The following GLIS1 variants were observed in gnomAD, a reference collection of about 807,000 sequenced individuals.
GLIS1 encodes the protein zinc finger protein GLIS1.
Under a neutral mutation model 63.8 loss-of-function variants are expected in GLIS1, and 24 were observed. The observed-to-expected ratio is 0.38, with a 90% CI of 0.27 to 0.53. The LOEUF (loss-of-function observed/expected upper bound fraction) is 0.53, where lower values mean the gene tolerates loss of function less well. GLIS1 is among the 20% of genes least tolerant of loss of function. The pLI is 0.85. For synonymous variants in GLIS1, 450 were observed against 482.5 expected (o/e 0.93, Z 0.88); for missense variants, 1,036 against 1,074.1 (o/e 0.96, Z 0.50).
chr1:53,719,565 CA>C (rs1201866709), intron 2 of GLIS1, among the ~76,000 whole-genome samples: 1 of 152,212 alleles, frequency 6.6e-6, no homozygotes, highest in African/African-American at 2.4e-5. Flanking sequence ...GCCAGACCCA[CA>C]ATGCCTACAC....
chr1:53,709,409 TATACAC>T lies in GLIS1; in HGVS notation c.259+28391_259+28396del, dbSNP rs200966352. Among the ~76,000 whole-genome samples the T allele has an allele frequency of 9.8e-4, 9 of 9,172 alleles. No individual in the cohort carries two copies. The East Asian group carries it at 0.015, about 16-fold the overall frequency. The allele number at this position is 9,172 out of a possible 152,430, so 6.0% of individuals were successfully genotyped here. On this transcript the variant is annotated intron_variant, in intron 2 of 10. Coordinates refer to ENST00000628545, the MANE Select transcript of GLIS1 (RefSeq NM_001367484.1). ...ACATATATATACATATACATATATA[TATACAC>T]ACACACACACACACACACACACACA...
intron 4 of GLIS1, among the ~76,000 whole-genome samples, chr1:53,587,190 G>T (rs1260257284): frequency 6.6e-6 from 1 of 152,206 alleles, no homozygotes; most frequent in Non-Finnish European, 1.5e-5. Context: ...CTTCAGGGCA[G>T]GAAGAAATAA....
intron 2 of GLIS1, among the ~76,000 whole-genome samples, chr1:53,608,499 A>T (rs965639759): frequency 1.3e-5 from 2 of 152,070 alleles, no homozygotes; most frequent in Admixed American, 6.6e-5. Flanking sequence ...CTAGCTATGG[A>T]GCTTGAGAGA....
intron 4 of GLIS1, among the ~76,000 whole-genome samples, chr1:53,591,960 T>C (rs536266723): frequency 6.6e-6 from 1 of 152,312 alleles, no homozygotes; most frequent in Admixed American, 6.5e-5. Flanking sequence ...TTCTGGGCCT[T>C]CCCTCCCTGG....
At position 53,621,703 on chromosome 1, in the gene GLIS1, A is replaced by T. The variant is rs903573385; in HGVS notation, c.260-21425T>A. ...TTGTGTTCATAGCAGCATTTAAAAA[A>T]TATATTAAAATGGTCAAAATCAAGG... On this transcript the variant is annotated intron_variant, in intron 2 of 10. Transcript: ENST00000628545. 5.9e-5 allele frequency among the ~76,000 whole-genome samples: 9 copies of T among 152,088 alleles called. No individual in the cohort carries two copies. In the South Asian group the frequency reaches 1.2e-3, roughly 21 times the overall value.
intron 2 of GLIS1, among the ~76,000 whole-genome samples, chr1:53,729,544 G>A (rs1165308676): frequency 7.1e-6 from 1 of 141,810 alleles, no homozygotes; most frequent in Non-Finnish European, 1.5e-5. Flanking sequence ...TAAAGTTCCT[G>A]CTGTTATTTC....
At chr1:53,654,079 C>T (rs552154463) in intron 2 of GLIS1, among the ~76,000 whole-genome samples, 5 of 152,330 alleles carry the variant, frequency 3.3e-5, no homozygotes, top group African/African-American at 1.2e-4. Context: ...GAGACCAGTA[C>T]ACACAAGACC....
At chr1:53,537,137 AG>A (rs1644589280) in intron 4 of GLIS1, among the ~76,000 whole-genome samples, 1 of 152,204 alleles carries the variant, frequency 6.6e-6, no homozygotes, top group Non-Finnish European at 1.5e-5. Flanking sequence ...GGAGCCAGGC[AG>A]GGGGTGGCAT....
At chr1:53,687,948 G>A (rs577165171) in intron 2 of GLIS1, among the ~76,000 whole-genome samples, 74 of 152,310 alleles carry the variant, frequency 4.9e-4, no homozygotes, top group Non-Finnish European at 7.8e-4. Context: ...AGACGCAAGC[G>A]GGCCCGGCTG....
intron 2 of GLIS1, chr1:53,733,966 T>A: frequency 1.0e-6 from 1 of 985,186 alleles, no homozygotes; most frequent in South Asian, 4.7e-5. Context: ...AGCTTCTTAT[T>A]CAGATGAAGA....
chr1:53,599,336 G>A (rs762756119), intron 3 of GLIS1, among the ~76,000 whole-genome samples: 8 of 152,220 alleles, frequency 5.3e-5, no homozygotes, highest in Non-Finnish European at 1.0e-4. Context: ...GATCATGGGA[G>A]TGGGACTGGT....
chr1:53,550,260 C>T (rs777354403), intron 4 of GLIS1, among the ~76,000 whole-genome samples: 5 of 152,172 alleles, frequency 3.3e-5, no homozygotes, highest in Admixed American at 6.5e-5. Context: ...TGTTTCAGAA[C>T]GATGATGTCA....
intron 2 of GLIS1, among the ~76,000 whole-genome samples, chr1:53,686,732 A>G (rs1277185405): frequency 6.6e-6 from 1 of 152,198 alleles, no homozygotes; most frequent in East Asian, 1.9e-4. Context: ...CTCTCCAGCC[A>G]AGAAAAGAGT....
At chr1:53,597,355 A>G (rs932514770) in intron 3 of GLIS1, among the ~76,000 whole-genome samples, 2 of 148,160 alleles carry the variant, frequency 1.3e-5, no homozygotes, top group Non-Finnish European at 3.0e-5. Context: ...CCTGGGCGAC[A>G]CAGCGAGACC....
At chr1:53,728,649 T>C (rs1646828894) in intron 2 of GLIS1, among the ~76,000 whole-genome samples, 1 of 152,208 alleles carries the variant, frequency 6.6e-6, no homozygotes, top group South Asian at 2.1e-4. Context: ...CAAAGATGAA[T>C]CTTTGAATAT....
At chr1:53,655,019 G>A (rs1557504909) in intron 2 of GLIS1, among the ~76,000 whole-genome samples, 1 of 152,226 alleles carries the variant, frequency 6.6e-6, no homozygotes, top group East Asian at 1.9e-4. Context: ...TGCTGATGAT[G>A]AGGAGCTATG....
chr1:53,690,382 G>A (rs866756565), intron 2 of GLIS1, among the ~76,000 whole-genome samples: 8 of 152,186 alleles, frequency 5.3e-5, no homozygotes, highest in African/African-American at 9.6e-5. Context: ...CAGCTGGGGC[G>A]GCTTCCACTG....
chr1:53,702,006 A>G (rs1455209841), intron 2 of GLIS1, among the ~76,000 whole-genome samples: 2 of 148,414 alleles, frequency 1.3e-5, no homozygotes, highest in African/African-American at 4.9e-5. Flanking sequence ...AAGAAAAAAA[A>G]AAAAAAAAAA....
chr1:53,628,527 T>C (rs932088892), intron 2 of GLIS1, among the ~76,000 whole-genome samples: 1 of 152,072 alleles, frequency 6.6e-6, no homozygotes, highest in Admixed American at 6.5e-5. Context: ...TGAGTACCAG[T>C]CACTTTATCC....
Sources: gnomAD v4.1 joint callset for allele counts (sites outside exome capture counted in the v4.1 genomes callset) on GRCh38, gnomAD v4.1.1 for gene constraint, MANE v1.5 for transcripts, NCBI Gene and HGNC (gene_info 2026-07-23, HGNC 2026-07-21) for gene names.